POU6F2: variants seen among roughly 807,000 people sequenced by gnomAD.
POU6F2 encodes the protein POU class 6 homeobox 2.
Under a neutral mutation model 71.3 loss-of-function variants are expected in POU6F2, and 31 were observed. The observed-to-expected ratio is 0.43, with a 90% CI of 0.33 to 0.59. The LOEUF is 0.59. Ranked by LOEUF, POU6F2 falls within the 20% of genes least tolerant of loss-of-function variation. The pLI is 0.04. For synonymous variants in POU6F2, 347 were observed against 355.7 expected, an observed-to-expected ratio of 0.98 and a Z score of 0.27; for missense variants, 783 against 856.8, an observed-to-expected ratio of 0.91 and a Z score of 1.07.
At chr7:39,292,043 AAC>A (rs1289673559) in intron 4 of POU6F2, among the ~76,000 whole-genome samples, 1 of 152,022 alleles carries the variant, frequency 6.6e-6, no homozygotes, top group East Asian at 1.9e-4. Context: ...GGGGGAAAAA[AAC>A]TGAGAAGGAG....
intron 7 of POU6F2, 24 bp downstream of exon 7, chr7:39,433,307 C>T: frequency 6.2e-7 from 1 of 1,613,090 alleles, no homozygotes; most frequent in South Asian, 1.1e-5. Flanking sequence ...GCCAAGGCAG[C>T]CATGGCACAG....
chr7:39,276,180 G>A (rs62455870), intron 4 of POU6F2, among the ~76,000 whole-genome samples: 113,554 of 149,822 alleles, frequency 0.76, 43,126 homozygotes, highest in Middle Eastern at 0.85. Flanking sequence ...TCCAGAATCT[G>A]CAATGAACTC....
intron 1 of POU6F2, among the ~76,000 whole-genome samples, chr7:39,015,458 ATATATAGATATATTATATCTATGTTT>A (rs1789456435): frequency 8.1e-6 from 1 of 123,550 alleles, no homozygotes; most frequent in Non-Finnish European, 1.6e-5. Flanking sequence ...ATATATTATT[ATATATAGATATATTATATCTATGTTT>A]TATATAGATA....
intron 2 of POU6F2, among the ~76,000 whole-genome samples, chr7:39,171,449 G>A (rs946528396): frequency 6.6e-6 from 1 of 152,122 alleles, no homozygotes; most frequent in African/African-American, 2.4e-5. Context: ...GAAACAATCT[G>A]TAAATGATAA....
intron 1 of POU6F2, among the ~76,000 whole-genome samples, chr7:39,082,891 CAA>C (rs532287683): frequency 6.7e-6 from 1 of 149,768 alleles, no homozygotes; most frequent in African/African-American, 2.5e-5. Context: ...TTTTGTAAGA[CAA>C]AAAAAATTAA....
chr7:39,333,187 C>T (rs1353584473), intron 4 of POU6F2, among the ~76,000 whole-genome samples: 1 of 152,186 alleles, frequency 6.6e-6, no homozygotes, highest in Non-Finnish European at 1.5e-5. Context: ...ACTTTACATC[C>T]TTCGCTTTTT....
chr7:39,029,955 G>A (rs1450635595), intron 1 of POU6F2, among the ~76,000 whole-genome samples: 1 of 151,958 alleles, frequency 6.6e-6, no homozygotes, highest in African/African-American at 2.4e-5. Context: ...AGGACCTTTT[G>A]CATCTTTGCT....
chr7:39,464,102 G>GCAGT lies in POU6F2; in HGVS notation c.1659-76_1659-73dup. The GCAGT allele has an allele frequency of 6.6e-7, 1 of 1,506,228 alleles. No homozygotes were observed. The highest frequency in any genetic ancestry group is 1.9e-5 in the Admixed American group (1 of 51,662). The allele number at this position is 1,506,228 out of a possible 1,614,324, so 93.3% of individuals were successfully genotyped here. Reference sequence around the variant, plus strand: ...ACCTGCAGTAAATTCGCCCTGCCAGGCAGTCAGGCAGGCAGGCAGGAGGCC... The same window carrying GCAGT: ...ACCTGCAGTAAATTCGCCCTGCCAGGCAGTCAGTCAGGCAGGCAGGCAGGAGGCC... On this transcript the variant is annotated intron_variant, in intron 9 of 9. Transcript: ENST00000518318. The surrounding 1 kb of genome is among the most constrained non-coding windows in gnomAD (Gnocchi z 4.1).
At chr7:39,114,268 T>C (rs1489413729) in intron 2 of POU6F2, among the ~76,000 whole-genome samples, 3 of 152,178 alleles carry the variant, frequency 2.0e-5, no homozygotes, top group African/African-American at 7.2e-5. Flanking sequence ...TTTCAACTGA[T>C]AGTAAAAATC....
At chr7:38,999,169 A>T (rs556514240) in intron 1 of POU6F2, among the ~76,000 whole-genome samples, 1 of 152,282 alleles carries the variant, frequency 6.6e-6, no homozygotes, top group African/African-American at 2.4e-5. Context: ...TTTACATGAC[A>T]TTTGAAAAAT....
At chr7:39,117,636 CAA>C (rs1473500551) in intron 2 of POU6F2, among the ~76,000 whole-genome samples, 1 of 152,112 alleles carries the variant, frequency 6.6e-6, no homozygotes, top group Non-Finnish European at 1.5e-5. Flanking sequence ...GAGAAGCCGA[CAA>C]GAGGGAACCA....
In POU6F2 at chr7:39,262,192, G is replaced by C. The variant is rs186712302; in HGVS notation, c.598+54572G>C. 2.6e-5 allele frequency among the ~76,000 whole-genome samples: 4 copies of C among 152,268 alleles called. No individual in the cohort carries two copies. The East Asian group carries it at 7.7e-4, about 29-fold the overall frequency. On this transcript the variant is annotated intron_variant, in intron 4 of 9. Transcript: ENST00000518318. ...TGAAACAGTGGTTCATAAGGTTCCT[G>C]TTTGCAGTAGGAAAACAAGGTTGTT...
intron 4 of POU6F2, among the ~76,000 whole-genome samples, 176 bp from the exon 5 acceptor site, chr7:39,339,466 G>A (rs1339820287): frequency 6.6e-6 from 1 of 152,186 alleles, no homozygotes; most frequent in East Asian, 1.9e-4. Context: ...TTCCCCAGAA[G>A]TGACCTTTGT....
intron 4 of POU6F2, among the ~76,000 whole-genome samples, chr7:39,335,712 G>A (rs998764051): frequency 1.3e-5 from 2 of 152,174 alleles, no homozygotes; most frequent in Non-Finnish European, 2.9e-5. Flanking sequence ...TTAAATGAAG[G>A]TATCTTCAAA....
chr7:38,995,259 T>C (rs1406247892), intron 1 of POU6F2, among the ~76,000 whole-genome samples: 2 of 152,172 alleles, frequency 1.3e-5, no homozygotes, highest in Non-Finnish European at 2.9e-5. Flanking sequence ...TCAGGACAAC[T>C]TAATTAGAAA....
rs150509553 is a variant in POU6F2, at chr7:39,305,366, A to G, written c.599-34276A>G. Reference sequence around the variant, plus strand: ...AATTCCTATCTTGTTGTTTTCTAAAATGTGATTAAATCAAAATGTATGTAA... The same window carrying G: ...AATTCCTATCTTGTTGTTTTCTAAAGTGTGATTAAATCAAAATGTATGTAA... On this transcript the variant is annotated intron_variant, in intron 4 of 9. Transcript: ENST00000518318. Among the ~76,000 whole-genome samples, 617 of 152,392 alleles carry G rather than the reference A, an allele frequency of 4.0e-3. 4 individuals are homozygous for G. Among genetic ancestry groups the G allele is most frequent in the Middle Eastern group, 6.8e-3 (2 of 294 alleles).
rs988830378 is a variant in POU6F2 at position 39,009,918 on chromosome 7, G to A, written c.105+31860G>A. 4.4e-3 allele frequency among the ~76,000 whole-genome samples: 675 copies of A among 151,688 alleles called. 4 individuals are homozygous for A. Among genetic ancestry groups the A allele is most frequent in the Non-Finnish European group, 7.4e-3 (505 of 67,912 alleles). On this transcript the variant is annotated intron_variant, in intron 1 of 9. Coordinates refer to ENST00000518318, the MANE Select transcript of POU6F2 (RefSeq NM_001370959.1). Reference sequence around the variant, plus strand: ...AGCTTTTTGATGTGCTGCTGGATTCGGTTTGCCAGTATTTTATTGAGGATT... The same window carrying A: ...AGCTTTTTGATGTGCTGCTGGATTCAGTTTGCCAGTATTTTATTGAGGATT...
intron 6 of POU6F2, among the ~76,000 whole-genome samples, chr7:39,413,466 CTG>C (rs1787597665): frequency 6.6e-6 from 1 of 152,070 alleles, no homozygotes; most frequent in African/African-American, 2.4e-5. Context: ...GAGTTGGTGT[CTG>C]TATGTTTTCT....
chr7:39,213,430 A>T (rs889628692), intron 4 of POU6F2, among the ~76,000 whole-genome samples: 3 of 152,220 alleles, frequency 2.0e-5, no homozygotes, highest in Non-Finnish European at 4.4e-5. Context: ...CTTTACATAC[A>T]AGAAAATGCA....
Sources: gnomAD v4.1 joint callset for allele counts (sites outside exome capture counted in the v4.1 genomes callset) on GRCh38, gnomAD v4.1.1 for gene constraint, Gnocchi (gnomAD v3.1) non-coding constraint, MANE v1.5 for transcripts, NCBI Gene and HGNC (gene_info 2026-07-23, HGNC 2026-07-21) for gene names.